Variants in RIGI observed in about 807,000 individuals in gnomAD.
The protein encoded by RIGI is RNA sensor RIG-I.
At chr9:32,493,574 G>C in the RIGI span, among the ~76,000 whole-genome samples, 1 of 151,018 alleles carries the variant, frequency 6.6e-6, no homozygotes, top group Non-Finnish European at 1.5e-5. Context: ...AATGAGCCGA[G>C]ATCACACCAT....
the RIGI span, chr9:32,487,460 A>G: frequency 1.2e-6 from 2 of 1,613,156 alleles, no homozygotes; most frequent in Non-Finnish European, 1.7e-6. Context: ...TTGTTATTGG[A>G]TCCAACTTAC....
At chr9:32,493,622 C>CAAA in the RIGI span, 34 of 480,242 alleles carry the variant, frequency 7.1e-5, no homozygotes, top group South Asian at 8.0e-5. Context: ...GACTCCGTCT[C>CAAA]AAAAAAAAAA....
chr9:32,523,510 G>A, the RIGI span, among the ~76,000 whole-genome samples: 1 of 152,058 alleles, frequency 6.6e-6, no homozygotes, highest in African/African-American at 2.4e-5. Context: ...AAGGACCAAA[G>A]CCAGAGACCT....
the RIGI span, among the ~76,000 whole-genome samples, chr9:32,518,120 A>G: frequency 0.55 from 82,892 of 150,976 alleles, 23,326 homozygotes; most frequent in Middle Eastern, 0.68. Context: ...GTAATTCTAT[A>G]TATAAAATGT....
At chr9:32,472,663 C>A in the RIGI span, among the ~76,000 whole-genome samples, 19 of 152,306 alleles carry the variant, frequency 1.2e-4, no homozygotes, top group Admixed American at 1.1e-3. Context: ...CTCTTCCTGA[C>A]TACCTGCCCT....
the RIGI span, chr9:32,493,863 T>C: frequency 1.2e-6 from 2 of 1,611,086 alleles, no homozygotes; most frequent in African/African-American, 1.3e-5. Context: ...GTAAACGTTT[T>C]AAAAGTAATC....
At chr9:32,480,081 C>T in the RIGI span, 2 of 840,410 alleles carry the variant, frequency 2.4e-6, no homozygotes, top group Non-Finnish European at 3.6e-6. Context: ...ATAGTCCTAC[C>T]ATCTCCATCT....
chr9:32,498,584 A>T, the RIGI span, among the ~76,000 whole-genome samples: 1 of 152,218 alleles, frequency 6.6e-6, no homozygotes. Flanking sequence ...CAGAAATGTA[A>T]AAATTATGTA....
chr9:32,479,681 A>T, the RIGI span, among the ~76,000 whole-genome samples: 1 of 151,994 alleles, frequency 6.6e-6, no homozygotes, highest in Non-Finnish European at 1.5e-5. Context: ...TACTAAAAAT[A>T]CAAAAATTAG....
At chr9:32,495,590 A>G in the RIGI span, among the ~76,000 whole-genome samples, 27 of 151,556 alleles carry the variant, frequency 1.8e-4, no homozygotes, top group African/African-American at 6.1e-4. Context: ...CTGATGTTGA[A>G]TATCTTTCCA....
At chr9:32,481,588 C>CTTT in the RIGI span, 1 of 756,936 alleles carries the variant, frequency 1.3e-6, no homozygotes, top group Non-Finnish European at 1.9e-6. Context: ...TTTTCTTTTT[C>CTTT]TTTTTTTTTT....
At chr9:32,524,062 C>T in the RIGI span, among the ~76,000 whole-genome samples, 5 of 152,228 alleles carry the variant, frequency 3.3e-5, no homozygotes, top group East Asian at 9.7e-4. Context: ...TGCCAAATAT[C>T]TGGGAAGCTT....
At chr9:32,472,877 A>T in the RIGI span, 1 of 597,564 alleles carries the variant, frequency 1.7e-6, no homozygotes. Flanking sequence ...CAGAATTTGA[A>T]ATATATATTA....
the RIGI span, among the ~76,000 whole-genome samples, chr9:32,482,940 G>A: frequency 6.6e-6 from 1 of 152,116 alleles, no homozygotes; most frequent in South Asian, 2.1e-4. Context: ...CTGTTCTCCA[G>A]AGCAGCATTC....
chr9:32,475,931 A>G, the RIGI span, among the ~76,000 whole-genome samples: 2 of 152,134 alleles, frequency 1.3e-5, no homozygotes, highest in Non-Finnish European at 2.9e-5. Context: ...CTGACAGAGG[A>G]CTTTTTTGTC....
chr9:32,476,970 A>G, the RIGI span: 7 of 1,607,266 alleles, frequency 4.4e-6, no homozygotes, highest in Non-Finnish European at 5.1e-6. Context: ...CTACAAGGAG[A>G]AAAAAAGCTT....
chr9:32,514,509 A>G, the RIGI span, among the ~76,000 whole-genome samples: 9 of 152,174 alleles, frequency 5.9e-5, no homozygotes, highest in Non-Finnish European at 1.0e-4. Context: ...CTCACTCATA[A>G]GTGGGAGTTG....
At chr9:32,474,199 T>A in the RIGI span, among the ~76,000 whole-genome samples, 2 of 79,694 alleles carry the variant, frequency 2.5e-5, no homozygotes, top group African/African-American at 9.3e-5. Context: ...TGAGACCCTG[T>A]CTCAAAAAAA....
chr9:32,503,569 T>G, the RIGI span, among the ~76,000 whole-genome samples: 6 of 152,190 alleles, frequency 3.9e-5, no homozygotes, highest in Non-Finnish European at 8.8e-5. Context: ...TAGTATATAG[T>G]AAATGTGGGC....
Sources: gnomAD v4.1 joint callset for allele counts (sites outside exome capture counted in the v4.1 genomes callset) on GRCh38, gnomAD v4.1.1 for gene constraint, MANE v1.5 for transcripts, NCBI Gene and HGNC (gene_info 2026-07-23, HGNC 2026-07-21) for gene names.